Variants in RAB38 observed in about 807,000 individuals in gnomAD.
The protein encoded by RAB38 is RAB38, member RAS oncogene family.
In RAB38, 15 loss-of-function variants were observed where a neutral mutation model predicts 18.4. The observed-to-expected ratio is 0.82, with a 90% CI of 0.55 to 1.26. The LOEUF (loss-of-function observed/expected upper bound fraction) is 1.26. Among genes scored for constraint, RAB38 ranks in the 50% most tolerant of loss-of-function variants. RAB38 has a pLI of 0.00. For missense variants in RAB38, 294 were observed against 267.4 expected (o/e 1.10, Z -0.69); for synonymous variants, 101 against 104.4 (o/e 0.97, Z 0.20).
the RAB38 span, among the ~76,000 whole-genome samples, chr11:87,831,232 G>T: frequency 6.6e-6 from 1 of 152,114 alleles, no homozygotes; most frequent in African/African-American, 2.4e-5. Context: ...GGCTTTTTGA[G>T]GGGTTTACTA....
chr11:88,030,620 A>T, the RAB38 span, among the ~76,000 whole-genome samples: 1 of 152,244 alleles, frequency 6.6e-6, no homozygotes, highest in Non-Finnish European at 1.5e-5. Flanking sequence ...ATAAACTAGA[A>T]AATCTAGATG....
chr11:87,947,555 T>C, the RAB38 span, among the ~76,000 whole-genome samples: 2 of 152,054 alleles, frequency 1.3e-5, no homozygotes, highest in Non-Finnish European at 2.9e-5. Context: ...CATCTTGAAT[T>C]AATTTTTGTA....
At chr11:88,105,118 T>C in the RAB38 span, among the ~76,000 whole-genome samples, 2 of 152,192 alleles carry the variant, frequency 1.3e-5, no homozygotes, top group Non-Finnish European at 2.9e-5. Flanking sequence ...TTCATATTAA[T>C]TTATAATGTA....
the RAB38 span, among the ~76,000 whole-genome samples, chr11:87,977,495 A>G: frequency 8.4e-5 from 7 of 83,290 alleles, 1 homozygote; most frequent in African/African-American, 2.9e-4. Flanking sequence ...TATATAATAT[A>G]ATTTTATATG....
the RAB38 span, among the ~76,000 whole-genome samples, chr11:87,956,348 G>A: frequency 2.7e-5 from 4 of 150,182 alleles, no homozygotes; most frequent in African/African-American, 4.8e-5. Context: ...AAAAAGTTGT[G>A]AGAAGAACAA....
chr11:88,157,671 A>G (rs1344231317), intron 1 of RAB38, among the ~76,000 whole-genome samples: 1 of 152,202 alleles, frequency 6.6e-6, no homozygotes, highest in Non-Finnish European at 1.5e-5. Flanking sequence ...AAAAATAGAA[A>G]GCATTACCGA....
chr11:88,040,765 G>A, the RAB38 span, among the ~76,000 whole-genome samples: 1 of 152,040 alleles, frequency 6.6e-6, no homozygotes, highest in South Asian at 2.1e-4. Flanking sequence ...TCCAAATACA[G>A]TCACATTCTT....
chr11:87,846,272 G>A, the RAB38 span, among the ~76,000 whole-genome samples: 256 of 152,154 alleles, frequency 1.7e-3, no homozygotes, highest in Non-Finnish European at 3.1e-3. Flanking sequence ...AACGTTATTG[G>A]TTTCGTTACT....
chr11:87,956,649 C>T, the RAB38 span, among the ~76,000 whole-genome samples: 4 of 152,108 alleles, frequency 2.6e-5, no homozygotes, highest in African/African-American at 7.2e-5. Flanking sequence ...GAAAACATGG[C>T]ACTCAGCAAT....
the RAB38 span, among the ~76,000 whole-genome samples, chr11:88,057,264 T>A: frequency 6.6e-6 from 1 of 152,200 alleles, no homozygotes; most frequent in Non-Finnish European, 1.5e-5. Context: ...TATTCGTGGG[T>A]GGAATTTGCC....
chr11:87,949,445 T>C, the RAB38 span, among the ~76,000 whole-genome samples: 27 of 152,200 alleles, frequency 1.8e-4, no homozygotes, highest in Admixed American at 7.9e-4. Context: ...TTGAATGTGT[T>C]TGCTCTTGCT....
chr11:87,928,500 G>A, the RAB38 span, among the ~76,000 whole-genome samples: 1 of 151,914 alleles, frequency 6.6e-6, no homozygotes, highest in Non-Finnish European at 1.5e-5. Context: ...GCATTTAAAT[G>A]TAAATAATTA....
chr11:87,958,855 G>C, the RAB38 span, among the ~76,000 whole-genome samples: 1 of 152,120 alleles, frequency 6.6e-6, no homozygotes, highest in African/African-American at 2.4e-5. Context: ...CCCTTTCTAA[G>C]AAGGCTGCTT....
chr11:87,902,255 T>C, the RAB38 span, among the ~76,000 whole-genome samples: 7 of 151,652 alleles, frequency 4.6e-5, no homozygotes, highest in Admixed American at 4.6e-4. Context: ...ACCAAACTTT[T>C]AGTATATTAA....
chr11:88,108,304 T>C (rs1456118741), downstream of RAB38, among the ~76,000 whole-genome samples: 1 of 152,238 alleles, frequency 6.6e-6, no homozygotes, highest in African/African-American at 2.4e-5. Context: ...TGGGTGTTCC[T>C]GTATTGGATG....
intron 2 of RAB38, among the ~76,000 whole-genome samples, chr11:88,116,712 T>C (rs1456711596): frequency 6.6e-6 from 1 of 152,178 alleles, no homozygotes; most frequent in Non-Finnish European, 1.5e-5. Context: ...CTTCCATATA[T>C]TATAATAAAA....
the RAB38 span, among the ~76,000 whole-genome samples, chr11:87,851,776 C>T: frequency 1.3e-5 from 2 of 152,190 alleles, no homozygotes; most frequent in African/African-American, 4.8e-5. Flanking sequence ...ACTCTGCTAC[C>T]TGGAAGTGGT....
chr11:88,141,527 T>C (rs529475874), intron 2 of RAB38, among the ~76,000 whole-genome samples: 13 of 152,338 alleles, frequency 8.5e-5, no homozygotes, highest in African/African-American at 3.1e-4. Flanking sequence ...GAGTTGTTAT[T>C]TAGTTGGCAT....
chr11:87,843,004 G>A, the RAB38 span, among the ~76,000 whole-genome samples: 3 of 152,188 alleles, frequency 2.0e-5, no homozygotes, highest in Non-Finnish European at 4.4e-5. Flanking sequence ...GCAGAATGGG[G>A]ACTCTAGTGA....
Sources: allele counts gnomAD v4.1 joint callset (sites outside exome capture counted in the v4.1 genomes callset), GRCh38; gene constraint gnomAD v4.1.1; transcripts MANE v1.5; gene names NCBI Gene and HGNC (gene_info 2026-07-23, HGNC 2026-07-21).